ZNF560: variants seen among roughly 807,000 people sequenced by gnomAD.
The protein encoded by ZNF560 is zinc finger protein 560.
A neutral mutation model predicts 81.8 loss-of-function variants in ZNF560; 54 were observed. The observed-to-expected ratio is 0.66, with a 90% CI of 0.53 to 0.83. The LOEUF (loss-of-function observed/expected upper bound fraction) is 0.83. Ranked by LOEUF, ZNF560 falls within the 40% of genes least tolerant of loss-of-function variation. The probability of loss-of-function intolerance (pLI) is 0.00; values close to 1 mark genes in which losing one functional copy is unlikely to be tolerated. For missense variants in ZNF560, 940 were observed against 932.4 expected (o/e 1.01, Z -0.11); for synonymous variants, 321 against 317.9 (o/e 1.01, Z -0.10).
At chr19:9,447,133 CAA>C in the ZNF560 span, among the ~76,000 whole-genome samples, 51 of 80,848 alleles carry the variant, frequency 6.3e-4, no homozygotes, top group African/African-American at 1.5e-3. Flanking sequence ...GACTCCGTCA[CAA>C]AAAAAAAAAA....
intron 2 of ZNF560, among the ~76,000 whole-genome samples, chr19:9,484,848 AAAAAG>A (rs981021055): frequency 1.3e-5 from 2 of 150,044 alleles, no homozygotes; most frequent in Non-Finnish European, 2.9e-5. Flanking sequence ...AAAAAGAAAA[AAAAAG>A]AAAAGAAAAA....
chr19:9,488,310 A>C (rs2073418090), intron 2 of ZNF560, among the ~76,000 whole-genome samples: 1 of 152,194 alleles, frequency 6.6e-6, no homozygotes, highest in Non-Finnish European at 1.5e-5. Flanking sequence ...TCCTGAGCCA[A>C]AGAAACCTCT....
the ZNF560 span, among the ~76,000 whole-genome samples, chr19:9,454,616 AAGTT>A: frequency 6.6e-6 from 1 of 152,208 alleles, no homozygotes; most frequent in Non-Finnish European, 1.5e-5. Flanking sequence ...GGAGGAGTGA[AAGTT>A]AGCACTAGCT....
chr19:9,457,907 T>C, the ZNF560 span, among the ~76,000 whole-genome samples: 4 of 152,180 alleles, frequency 2.6e-5, no homozygotes, highest in African/African-American at 9.7e-5. Context: ...CTGCAGCTAA[T>C]TGAAAAGCAA....
chr19:9,455,912 G>C, the ZNF560 span, among the ~76,000 whole-genome samples: 1 of 152,106 alleles, frequency 6.6e-6, no homozygotes, highest in African/African-American at 2.4e-5. Flanking sequence ...ATGGGCATAC[G>C]AGAGAGAATG....
At chr19:9,465,798 G>C (rs1433856515), downstream of ZNF560, among the ~76,000 whole-genome samples, 9 of 152,088 alleles carry the variant, frequency 5.9e-5, no homozygotes, top group African/African-American at 1.7e-4. Context: ...TTCAAGACCA[G>C]CTTGGCCAAA....
At position 9,495,073 on chromosome 19, in the gene ZNF560, G is replaced by C. The variant is rs187546515; in HGVS notation, c.-57+3055C>G. Among the ~76,000 whole-genome samples the C allele has an allele frequency of 4.5e-4, 68 of 152,248 alleles. 1 individual carries two copies. The highest frequency in any genetic ancestry group is 8.4e-4 in the Non-Finnish European group (57 of 68,022). Reference sequence around the variant, plus strand: ...GTGGAAATACATTCTGTTATAGGCAGAGGTTGGAGCAAGCCGAGGTTGCAC... The same window carrying C: ...GTGGAAATACATTCTGTTATAGGCACAGGTTGGAGCAAGCCGAGGTTGCAC... On this transcript the variant is annotated intron_variant, in intron 2 of 9. Coordinates refer to ENST00000301480, the MANE Select transcript of ZNF560 (RefSeq NM_152476.3).
chr19:9,490,470 C>T (rs2073454105), intron 2 of ZNF560, among the ~76,000 whole-genome samples: 1 of 152,198 alleles, frequency 6.6e-6, no homozygotes, highest in Non-Finnish European at 1.5e-5. Context: ...AAACTGATCA[C>T]ATTTCGTCAC....
chr19:9,457,531 A>G, the ZNF560 span, among the ~76,000 whole-genome samples: 1 of 152,206 alleles, frequency 6.6e-6, no homozygotes, highest in African/African-American at 2.4e-5. Flanking sequence ...TACATTATTC[A>G]TCATATGGAT....
At chr19:9,484,874 A>G (rs913692276) in intron 2 of ZNF560, among the ~76,000 whole-genome samples, 1 of 150,470 alleles carries the variant, frequency 6.6e-6, no homozygotes, top group Non-Finnish European at 1.5e-5. Context: ...ATTAAAAAGA[A>G]CACTCAAATA....
chr19:9,490,070 G>T (rs1435646909), intron 2 of ZNF560, among the ~76,000 whole-genome samples: 1 of 152,094 alleles, frequency 6.6e-6, no homozygotes, highest in African/African-American at 2.4e-5. Context: ...AGCTTCCCTG[G>T]CTAATGTAAA....
At position 9,467,311 on chromosome 19, in the gene ZNF560, A is replaced by G. The variant is rs1324012504; in HGVS notation, c.1636T>C (p.Cys546Arg). The G allele has an allele frequency of 4.3e-6, 7 of 1,614,150 alleles. No homozygotes were observed. The highest frequency in any genetic ancestry group is 5.9e-6 in the Non-Finnish European group (7 of 1,179,992). The change falls in exon 10 of 10, where the codon TGT becomes CGT. Residue 546 changes from cysteine to arginine, a missense_variant. Transcript: ENST00000301480. ...RTHTEERLYQ[C>R]KKCGKAFTKC... ...GTGAAAGCTTTACCACATTTCTTACATTGATAGAGTCTCTCTTCTGTGTGA... is the reference window on the plus strand; with the variant it reads ...GTGAAAGCTTTACCACATTTCTTACGTTGATAGAGTCTCTCTTCTGTGTGA...
chr19:9,460,073 T>C, the ZNF560 span, among the ~76,000 whole-genome samples: 1 of 152,202 alleles, frequency 6.6e-6, no homozygotes, highest in Admixed American at 6.5e-5. Flanking sequence ...GCAGAGGTTA[T>C]GCTTGTGTTT....
At chr19:9,496,675 C>T (rs561608294) in intron 2 of ZNF560, among the ~76,000 whole-genome samples, 17 of 151,642 alleles carry the variant, frequency 1.1e-4, no homozygotes, top group Admixed American at 5.3e-4. Flanking sequence ...CAGTGGCTCA[C>T]GCCTGTAATC....
chr19:9,468,452 T>C, intron 9 of ZNF560, 118 bp from the exon 10 acceptor site: 1 of 715,342 alleles, frequency 1.4e-6, no homozygotes, highest in Non-Finnish European at 2.2e-6. Flanking sequence ...TGCATATAGT[T>C]TCTACCTTTT....
rs1029568033 is a variant in ZNF560 at position 9,466,485 on chromosome 19, A to C, written c.*89T>G. 1 of 1,227,890 alleles carries C rather than the reference A, an allele frequency of 8.1e-7. No homozygotes were observed. Among genetic ancestry groups the C allele is most frequent in the African/African-American group, 1.5e-5 (1 of 65,926 alleles). The allele number at this position is 1,227,890 out of a possible 1,614,324, so 76.1% of individuals were successfully genotyped here. A position where few individuals can be genotyped will look rare whatever the true frequency, so the allele number is the denominator to read the frequency against. On this transcript the variant is annotated 3_prime_UTR_variant, in exon 10 of 10. Transcript: ENST00000301480. ...TCACATTCCTTACATTGATAGTGTTACTTTCTCCTGTGAATTTTTACATGT... is the reference window on the plus strand; with the variant it reads ...TCACATTCCTTACATTGATAGTGTTCCTTTCTCCTGTGAATTTTTACATGT...
In ZNF560 at chr19:9,467,412, C is replaced by G. The variant is rs868031307; in HGVS notation, c.1535G>C (p.Gly512Ala). ...SLFAHLRTHTGEKPFKCYKCG... is the reference protein window; with the variant it reads ...SLFAHLRTHTAEKPFKCYKCG... ...TTTGTAACACTTAAAGGGCTTCTCA[C>G]CAGTGTGAGTTCTCAAATGAGCAAA... Residue 512 changes from glycine (G) to alanine (A), a missense_variant, in exon 10 of 10, where the codon GGT becomes GCT. Coordinates refer to ENST00000301480, the MANE Select transcript of ZNF560 (RefSeq NM_152476.3). 1 of 1,613,958 alleles carries G rather than the reference C, an allele frequency of 6.2e-7. No homozygotes were observed. Among genetic ancestry groups the G allele is most frequent in the East Asian group, 2.2e-5 (1 of 44,888 alleles).
chr19:9,486,831 T>A (rs193029920), intron 2 of ZNF560, among the ~76,000 whole-genome samples: 1 of 152,330 alleles, frequency 6.6e-6, no homozygotes, highest in East Asian at 1.9e-4. Flanking sequence ...TGCTAATAAC[T>A]CTTTGTTAAG....
intron 2 of ZNF560, among the ~76,000 whole-genome samples, chr19:9,486,865 T>C (rs1405910652): frequency 6.6e-5 from 10 of 152,256 alleles, no homozygotes; most frequent in Non-Finnish European, 1.5e-4. Flanking sequence ...AGCTGTTAGA[T>C]ATAAGGGAAT....
Sources: allele counts gnomAD v4.1 joint callset (sites outside exome capture counted in the v4.1 genomes callset), GRCh38; gene constraint gnomAD v4.1.1; transcripts MANE v1.5; gene names NCBI Gene and HGNC (gene_info 2026-07-23, HGNC 2026-07-21).